The following GDPD5 variants were observed in gnomAD, a reference collection of about 807,000 sequenced individuals.
The protein encoded by GDPD5 is glycerophosphodiester phosphodiesterase 2.
A neutral mutation model predicts 75.1 loss-of-function variants in GDPD5; 48 were observed. The observed-to-expected ratio is 0.64, with a 90% CI of 0.51 to 0.81. The LOEUF (loss-of-function observed/expected upper bound fraction) is 0.81. Ranked by LOEUF, GDPD5 falls within the 40% of genes least tolerant of loss-of-function variation. GDPD5 has a pLI of 0.00. For missense variants in GDPD5, 706 were observed against 822.6 expected, an observed-to-expected ratio of 0.86 and a Z score of 1.73; for synonymous variants, 336 against 339.0, an observed-to-expected ratio of 0.99 and a Z score of 0.10.
intron 1 of GDPD5, among the ~76,000 whole-genome samples, chr11:75,522,611 C>T (rs138782132): frequency 6.6e-6 from 1 of 152,092 alleles, no homozygotes; most frequent in Non-Finnish European, 1.5e-5. Flanking sequence ...ATCATCAACC[C>T]CAGCTCTCTC....
intron 4 of GDPD5, 146 bp from the exon 5 acceptor site, chr11:75,457,932 C>T: frequency 1.6e-6 from 1 of 609,082 alleles, no homozygotes; most frequent in Non-Finnish European, 2.9e-6. Flanking sequence ...TCAGCGTCTG[C>T]CTGATGCTCT....
intron 1 of GDPD5, among the ~76,000 whole-genome samples, chr11:75,518,006 G>A (rs1950679746): frequency 6.6e-6 from 1 of 152,210 alleles, no homozygotes; most frequent in South Asian, 2.1e-4. Flanking sequence ...ATCTCTTAGA[G>A]AGAAAGGGGA....
chr11:75,483,465 C>T (rs1477413655), intron 2 of GDPD5, among the ~76,000 whole-genome samples: 5 of 152,184 alleles, frequency 3.3e-5, no homozygotes, highest in Non-Finnish European at 4.4e-5. Flanking sequence ...CCCTTTCTCC[C>T]TCCCATAACT....
Position 75,477,742 on chromosome 11 carries a change from G to A in GDPD5, c.-7C>T. On this transcript the variant is annotated 5_prime_UTR_variant, in exon 3 of 17. Coordinates refer to ENST00000336898, the MANE Select transcript of GDPD5 (RefSeq NM_030792.8). ...GGGGCTGGTGTCTCACCATACTCGT[G>A]CCCACGGCCCTGGCGCCTGGCCCTC... The A allele has an allele frequency of 6.5e-7, 1 of 1,549,838 alleles. No homozygotes were observed. The highest frequency in any genetic ancestry group is 1.2e-5 in the South Asian group (1 of 85,234).
intron 1 of GDPD5, among the ~76,000 whole-genome samples, chr11:75,495,138 G>T (rs1278445453): frequency 6.6e-6 from 1 of 151,818 alleles, no homozygotes; most frequent in Non-Finnish European, 1.5e-5. Flanking sequence ...GTGATGGCAC[G>T]TGCCTGTAGT....
intron 14 of GDPD5, among the ~76,000 whole-genome samples, 169 bp from the exon 15 acceptor site, chr11:75,440,130 A>G (rs1948746894): frequency 6.6e-6 from 1 of 152,112 alleles, no homozygotes; most frequent in South Asian, 2.1e-4. Context: ...TGTAGGCTCC[A>G]GGCGCTGTGG....
At chr11:75,458,949 T>C (rs1032220693) in intron 4 of GDPD5, among the ~76,000 whole-genome samples, 4 of 151,944 alleles carry the variant, frequency 2.6e-5, no homozygotes, top group Admixed American at 2.6e-4. Flanking sequence ...TTTTTTTGTA[T>C]TTTTTGTAGA....
intron 1 of GDPD5, among the ~76,000 whole-genome samples, chr11:75,502,470 CCTAGGCATTGTT>C: frequency 1.3e-5 from 2 of 152,336 alleles, no homozygotes; most frequent in Admixed American, 1.3e-4. Flanking sequence ...ATATATGATG[CCTAGGCATTGTT>C]CTAGGCATTT....
chr11:75,441,846 G>A (rs763894135), intron 12 of GDPD5, 43 bp from the exon 13 acceptor site: 6 of 1,560,130 alleles, frequency 3.8e-6, no homozygotes, highest in African/African-American at 2.7e-5. Flanking sequence ...TCTTCTGCAC[G>A]ATGCGTAAGA....
At chr11:75,519,850 A>G (rs927420495) in intron 1 of GDPD5, among the ~76,000 whole-genome samples, 1 of 152,210 alleles carries the variant, frequency 6.6e-6, no homozygotes, top group South Asian at 2.1e-4. Flanking sequence ...CAACCATGTT[A>G]CATTTCGGTT....
chr11:75,472,750 T>C (rs956591094), intron 3 of GDPD5, among the ~76,000 whole-genome samples: 4 of 152,122 alleles, frequency 2.6e-5, no homozygotes, highest in African/African-American at 9.7e-5. Context: ...TCAGTAAATC[T>C]TGTCCGAGGA....
Position 75,435,552 on chromosome 11 carries a change from C to T in GDPD5, c.1773G>A (p.Gly591=). 1 of 1,613,064 alleles carries T rather than the reference C, an allele frequency of 6.2e-7. No homozygotes were observed. Residue 591 remains glycine, a synonymous_variant, in exon 17 of 17, where the codon GGG becomes GGA. Coordinates refer to ENST00000336898, the MANE Select transcript of GDPD5 (RefSeq NM_030792.8). ...TGAGGGTCTTGGTGTGGCTGCCACC[C>T]CCTCGGGGGCCCACAGGGGTGGCGG... The part of the protein sequence containing the change: ...NSTATPVGPR[G]GGSHTKTLIE...
intron 2 of GDPD5, among the ~76,000 whole-genome samples, chr11:75,487,705 C>G (rs936711676): frequency 2.1e-4 from 32 of 152,254 alleles, no homozygotes; most frequent in African/African-American, 7.2e-4. Flanking sequence ...TAGCTCTTCC[C>G]CAAATCAGGA....
At chr11:75,448,413 G>C (rs1349396592) in intron 9 of GDPD5, 22 of 917,810 alleles carry the variant, frequency 2.4e-5, no homozygotes, top group Non-Finnish European at 2.9e-5. Context: ...GATGGAAACT[G>C]TTGGGCCTCC....
At chr11:75,488,255 G>A (rs1202848633) in intron 2 of GDPD5, among the ~76,000 whole-genome samples, 2 of 152,146 alleles carry the variant, frequency 1.3e-5, no homozygotes, top group Non-Finnish European at 2.9e-5. Context: ...CAGGTTCTCT[G>A]GGGAGCAGGC....
chr11:75,464,699 G>C lies in GDPD5; in HGVS notation c.118-1810C>G, dbSNP rs368355282. On this transcript the variant is annotated intron_variant, in intron 3 of 16. Transcript: ENST00000336898. ...TTCTAGCAGGTTTAGGCTTGGGGAGGTGGTGGCTTCTCAGAGAGTAGGCCA... is the reference window on the plus strand; with the variant it reads ...TTCTAGCAGGTTTAGGCTTGGGGAGCTGGTGGCTTCTCAGAGAGTAGGCCA... 9.5e-4 allele frequency among the ~76,000 whole-genome samples: 145 copies of C among 152,308 alleles called. 2 individuals carry two copies. Among genetic ancestry groups the C allele is most frequent in the African/African-American group, 3.4e-3 (141 of 41,572 alleles).
intron 1 of GDPD5, among the ~76,000 whole-genome samples, chr11:75,493,557 G>A (rs1950152692): frequency 6.6e-6 from 1 of 151,780 alleles, no homozygotes; most frequent in Non-Finnish European, 1.5e-5. Flanking sequence ...ATGCTACCAC[G>A]CCAGGCCTCT....
intron 1 of GDPD5, among the ~76,000 whole-genome samples, chr11:75,494,155 ACT>A (rs1950166784): frequency 6.6e-6 from 1 of 151,784 alleles, no homozygotes; most frequent in Middle Eastern, 3.2e-3. Flanking sequence ...GAATAAAAAC[ACT>A]CTTGAAAACA....
chr11:75,492,384 C>A (rs1950125223), intron 1 of GDPD5: 1 of 152,278 alleles, frequency 6.6e-6, no homozygotes, highest in African/African-American at 2.4e-5. Flanking sequence ...TGTGAGTCAC[C>A]TGAAGGAAGT....
Sources: gnomAD v4.1 joint callset for allele counts (sites outside exome capture counted in the v4.1 genomes callset) on GRCh38, gnomAD v4.1.1 for gene constraint, MANE v1.5 for transcripts, NCBI Gene and HGNC (gene_info 2026-07-23, HGNC 2026-07-21) for gene names.